Variants in SMG7 observed in about 807,000 individuals in gnomAD.
SMG7 encodes nonsense-mediated mRNA decay factor SMG7.
Under a neutral mutation model 148.2 loss-of-function variants are expected in SMG7, and 34 were observed. The observed-to-expected ratio is 0.23, with a 90% CI of 0.17 to 0.31. SMG7 has a LOEUF of 0.31. SMG7 is among the 10% of genes least tolerant of loss of function. The pLI, the probability that SMG7 is intolerant of heterozygous loss-of-function variation, is 1.00. For missense variants in SMG7, 1,114 were observed against 1,408.4 expected (o/e 0.79, Z 3.35); for synonymous variants, 492 against 515.1 (o/e 0.96, Z 0.61).
At chr1:183,494,477 C>G (rs1212198750) in intron 1 of SMG7, among the ~76,000 whole-genome samples, 1 of 149,976 alleles carries the variant, frequency 6.7e-6, no homozygotes. Context: ...CACTCGTCAT[C>G]TCTTTGTTTA....
chr1:183,481,191 A>G (rs769778892), intron 1 of SMG7, among the ~76,000 whole-genome samples: 1 of 152,178 alleles, frequency 6.6e-6, no homozygotes, highest in Non-Finnish European at 1.5e-5. Context: ...TTACTCCCTG[A>G]TAGAAACCAA....
intron 1 of SMG7, among the ~76,000 whole-genome samples, chr1:183,507,650 G>T (rs1229081819): frequency 2.0e-5 from 3 of 152,152 alleles, no homozygotes; most frequent in African/African-American, 7.2e-5. Flanking sequence ...AGTGTTAGCT[G>T]TACCTATAGG....
intron 1 of SMG7, 66 bp from the exon 2 acceptor site, chr1:183,512,771 T>C (rs1272637845): frequency 1.4e-6 from 2 of 1,417,500 alleles, no homozygotes; most frequent in Admixed American, 4.3e-5. Context: ...GTGTTATTTA[T>C]ATGTTAGTTA....
At chr1:183,533,926 A>G in intron 10 of SMG7, 94 bp downstream of exon 10, 6 of 1,051,712 alleles carry the variant, frequency 5.7e-6, no homozygotes, top group Non-Finnish European at 8.5e-6. Flanking sequence ...ACAACATTTG[A>G]ACAATAGAAT....
chr1:183,544,290 T>G, intron 14 of SMG7, 63 bp from the exon 15 acceptor site: 1 of 1,331,914 alleles, frequency 7.5e-7, no homozygotes, highest in Non-Finnish European at 1.1e-6. Flanking sequence ...AGGAGTAGGG[T>G]CTTCTTTCTA....
intron 4 of SMG7, among the ~76,000 whole-genome samples, chr1:183,520,901 G>A (rs904325685): frequency 1.3e-5 from 2 of 152,016 alleles, no homozygotes; most frequent in Non-Finnish European, 2.9e-5. Context: ...GGAAAATATG[G>A]ATACTCTCTG....
At position 183,488,374 on chromosome 1, in the gene SMG7, G is replaced by T. The variant is rs1329163556; in HGVS notation, c.29+15725G>T. On this transcript the variant is annotated intron_variant, in intron 1 of 22. Transcript: ENST00000688051. ...ATGAAATTTAAGATCCAGTTTCTCA[G>T]ATGGTGACATGAGAATAGTTGATAG... Among the ~76,000 whole-genome samples the T allele has an allele frequency of 3.9e-5, 6 of 151,968 alleles. No homozygotes were observed. The East Asian group carries it at 1.2e-3, about 29-fold the overall frequency.
intron 4 of SMG7, among the ~76,000 whole-genome samples, chr1:183,525,292 A>G (rs1160226048): frequency 6.6e-6 from 1 of 152,184 alleles, no homozygotes; most frequent in African/African-American, 2.4e-5. Flanking sequence ...AAAGAGGTCC[A>G]ATAAGATGAT....
Position 183,529,501 on chromosome 1 carries a change from C to A in SMG7, c.811C>A (p.Pro271Thr). 1.2e-6 allele frequency: 2 copies of A among 1,612,712 alleles called. No individual in the cohort carries two copies. Among genetic ancestry groups the A allele is most frequent in the Non-Finnish European group, 1.7e-6 (2 of 1,179,102 alleles). The change falls in exon 8 of 23, where the codon CCT (proline) becomes ACT (threonine). Residue 271 changes from proline (P) to threonine (T), a missense_variant. Coordinates refer to ENST00000688051, the MANE Select transcript of SMG7 (RefSeq NM_001375584.1). ...YLSKSLEKLS[P>T]LREKLEEQFK... Reference sequence around the variant, plus strand: ...GAGTAAGAGCTTGGAAAAGTTGAGCCCTCTTCGAGAGAAATTGGAAGAACA... The same window carrying A: ...GAGTAAGAGCTTGGAAAAGTTGAGCACTCTTCGAGAGAAATTGGAAGAACA...
In SMG7 at chr1:183,552,878, T is replaced by G; in HGVS notation, c.*947T>G. ...TTGGTTTTTGTGCCCCCATTCTACT[T>G]CCCACCCTCCTGCCCCATCTCCATC... On this transcript the variant is annotated 3_prime_UTR_variant, in exon 23 of 23. Coordinates refer to ENST00000688051, the MANE Select transcript of SMG7 (RefSeq NM_001375584.1). The G allele has an allele frequency of 7.6e-6, 11 of 1,444,718 alleles. No individual in the cohort carries two copies. Among genetic ancestry groups the G allele is most frequent in the Non-Finnish European group, 1.0e-5 (11 of 1,103,616 alleles). The allele number at this position is 1,444,718 out of a possible 1,614,324, so 89.5% of individuals were successfully genotyped here.
chr1:183,531,870 AG>A, intron 8 of SMG7, among the ~76,000 whole-genome samples: 1 of 152,288 alleles, frequency 6.6e-6, no homozygotes, highest in East Asian at 1.9e-4. Flanking sequence ...CTGATTTAGA[AG>A]GTTAGTTGTA....
Position 183,497,643 on chromosome 1 carries a change from C to A in SMG7, c.30-15194C>A, listed in dbSNP as rs144804231. 4.6e-5 allele frequency among the ~76,000 whole-genome samples: 7 copies of A among 152,146 alleles called. No individual in the cohort carries two copies. In the South Asian group the frequency reaches 6.2e-4, roughly 14 times the overall value. On this transcript the variant is annotated intron_variant, in intron 1 of 22. Transcript: ENST00000688051. Reference sequence around the variant, plus strand: ...GGAGTGCAGTGGCGCGATCTTGGCTCACTGCAACCTCTGCCTCCCCGGTTC... The same window carrying A: ...GGAGTGCAGTGGCGCGATCTTGGCTAACTGCAACCTCTGCCTCCCCGGTTC...
In SMG7 at chr1:183,542,070, T is replaced by A; in HGVS notation, c.1416-6T>A. 1 of 1,596,198 alleles carries A rather than the reference T, an allele frequency of 6.3e-7. No individual in the cohort carries two copies. Among genetic ancestry groups the A allele is most frequent in the Middle Eastern group, 1.7e-4 (1 of 5,958 alleles). ...TTTATATATGGATTTATTTTTGCTTTTTTAGGCTGATTCAGTGTGAAAATG... is the reference window on the plus strand; with the variant it reads ...TTTATATATGGATTTATTTTTGCTTATTTAGGCTGATTCAGTGTGAAAATG... On this transcript the variant is annotated splice_region_variant and splice_polypyrimidine_tract_variant and intron_variant, in intron 13 of 22. Coordinates refer to ENST00000688051, the MANE Select transcript of SMG7 (RefSeq NM_001375584.1).
At chr1:183,518,271 T>C (rs992973598) in intron 4 of SMG7, among the ~76,000 whole-genome samples, 3 of 151,488 alleles carry the variant, frequency 2.0e-5, no homozygotes, top group African/African-American at 7.3e-5. Flanking sequence ...CAAATGTCCA[T>C]AAGACCTTTA....
chr1:183,547,340 T>C (rs1001865024), intron 18 of SMG7, 88 bp downstream of exon 18: 30 of 1,236,948 alleles, frequency 2.4e-5, no homozygotes, highest in Admixed American at 2.9e-5. Flanking sequence ...TGATTTCTTC[T>C]CTTCCTGGGG....
At chr1:183,484,807 T>C (rs1655028188) in intron 1 of SMG7, among the ~76,000 whole-genome samples, 1 of 152,190 alleles carries the variant, frequency 6.6e-6, no homozygotes, top group African/African-American at 2.4e-5. Context: ...AATAATGTTT[T>C]TAGTAATCAT....
intron 1 of SMG7, among the ~76,000 whole-genome samples, chr1:183,490,042 C>G (rs1656552433): frequency 6.6e-6 from 1 of 152,086 alleles, no homozygotes; most frequent in Non-Finnish European, 1.5e-5. Context: ...TCTGGGTGAT[C>G]CAGGGCTAGT....
intron 1 of SMG7, among the ~76,000 whole-genome samples, chr1:183,482,266 T>G (rs1654338536): frequency 6.6e-6 from 1 of 152,078 alleles, no homozygotes; most frequent in Non-Finnish European, 1.5e-5. Context: ...ACCTGGTCAT[T>G]AATCTTAAGG....
chr1:183,494,499 C>T (rs758754656), intron 1 of SMG7, among the ~76,000 whole-genome samples: 2 of 150,552 alleles, frequency 1.3e-5, no homozygotes, highest in Non-Finnish European at 3.0e-5. Context: ...TTCAAGGCTT[C>T]CATCTGGTAT....
Sources: gnomAD v4.1 joint callset for allele counts (sites outside exome capture counted in the v4.1 genomes callset) on GRCh38, gnomAD v4.1.1 for gene constraint, MANE v1.5 for transcripts, NCBI Gene and HGNC (gene_info 2026-07-23, HGNC 2026-07-21) for gene names.